ATF7IP2: variants seen among roughly 807,000 people sequenced by gnomAD.
The protein encoded by ATF7IP2 is activating transcription factor 7 interacting protein 2, also known as activating transcription factor 7-interacting protein 2.
In ATF7IP2, 42 loss-of-function variants were observed where a neutral mutation model predicts 64.2. The observed-to-expected ratio is 0.65, with a 90% CI of 0.51 to 0.85. The LOEUF is 0.85. Among genes scored for constraint, ATF7IP2 ranks in the 40% least tolerant of loss-of-function variants. The pLI is 0.00. For synonymous variants in ATF7IP2, 308 were observed against 272.8 expected (o/e 1.13, Z -1.27); for missense variants, 933 against 784.2 (o/e 1.19, Z -2.27).
chr16:10,466,719 T>C (rs2049587878), intron 9 of ATF7IP2, among the ~76,000 whole-genome samples: 1 of 152,192 alleles, frequency 6.6e-6, no homozygotes, highest in Non-Finnish European at 1.5e-5. Context: ...TAAATATCTT[T>C]CCTGACCCAA....
intron 9 of ATF7IP2, among the ~76,000 whole-genome samples, chr16:10,465,358 A>G (rs892786665): frequency 1.3e-5 from 2 of 152,172 alleles, no homozygotes; most frequent in Non-Finnish European, 2.9e-5. Flanking sequence ...ATGTTTCTCC[A>G]AGGTAAACTA....
chr16:10,388,987 G>A (rs1258598708), intron 1 of ATF7IP2, among the ~76,000 whole-genome samples: 1 of 151,904 alleles, frequency 6.6e-6, no homozygotes, highest in Admixed American at 6.6e-5. Context: ...ATTCCATCCT[G>A]GGCGACAGAG....
At chr16:10,393,956 C>G (rs552278750) in intron 1 of ATF7IP2, among the ~76,000 whole-genome samples, 2 of 152,270 alleles carry the variant, frequency 1.3e-5, no homozygotes, top group Admixed American at 1.3e-4. Context: ...GTGGGAAGAT[C>G]ACTTGAGCCC....
intron 1 of ATF7IP2, among the ~76,000 whole-genome samples, chr16:10,399,598 A>G (rs907854266): frequency 1.3e-5 from 2 of 152,210 alleles, no homozygotes; most frequent in African/African-American, 4.8e-5. Context: ...TTTGTGTTAT[A>G]ATATTGTTAG....
intron 1 of ATF7IP2, among the ~76,000 whole-genome samples, chr16:10,394,302 T>A (rs186157219): frequency 6.6e-6 from 1 of 152,308 alleles, no homozygotes; most frequent in Non-Finnish European, 1.5e-5. Flanking sequence ...ATAGGGACAT[T>A]CTATAATGAC....
At chr16:10,472,443 A>G (rs901400781) in intron 10 of ATF7IP2, among the ~76,000 whole-genome samples, 1 of 152,088 alleles carries the variant, frequency 6.6e-6, no homozygotes, top group African/African-American at 2.4e-5. Context: ...TATAACTTGT[A>G]AAAACTACTT....
At chr16:10,411,272 A>G (rs2047752687) in intron 1 of ATF7IP2, among the ~76,000 whole-genome samples, 1 of 151,300 alleles carries the variant, frequency 6.6e-6, no homozygotes, top group Admixed American at 6.6e-5. Context: ...CTTTTGGAAT[A>G]GAGTCAGGAT....
At position 10,451,925 on chromosome 16, in the gene ATF7IP2, C is replaced by T. The variant is rs1334812899; in HGVS notation, c.1195-5447C>T. ...AAAAGTAGCTGGGCGTGGTGGTGCA[C>T]GCCTGTAGTCCCAGCTACTCAGGAG... On this transcript the variant is annotated intron_variant, in intron 8 of 13. Coordinates refer to ENST00000562102, the MANE Select transcript of ATF7IP2 (RefSeq NM_001393719.1). Among the ~76,000 whole-genome samples, 23 of 152,058 alleles carry T rather than the reference C, an allele frequency of 1.5e-4. No homozygotes were observed. In the East Asian group the frequency reaches 2.7e-3, roughly 18 times the overall value.
chr16:10,427,991 A>G (rs1266227594), intron 3 of ATF7IP2, among the ~76,000 whole-genome samples: 1 of 152,228 alleles, frequency 6.6e-6, no homozygotes, highest in African/African-American at 2.4e-5. Context: ...AAGCACATGG[A>G]TGAATTTTGT....
In ATF7IP2 at chr16:10,472,118, A is replaced by G. The variant is rs571907452; in HGVS notation, c.1361A>G (p.Asp454Gly). ...TCTTTTTATCATTTTAGTAACAATGATGATGTTATGTTGATTTCTGTGGAA... is the reference window on the plus strand; with the variant it reads ...TCTTTTTATCATTTTAGTAACAATGGTGATGTTATGTTGATTTCTGTGGAA... Reference protein sequence around the residue: ...QNKSVSESNNDDVMLISVESP... With the variant: ...QNKSVSESNNGDVMLISVESP... The change falls in exon 10 of 14, where the codon GAT becomes GGT. Residue 454 changes from aspartate to glycine, a missense_variant. Coordinates refer to ENST00000562102, the MANE Select transcript of ATF7IP2 (RefSeq NM_001393719.1). The G allele has an allele frequency of 1.9e-6, 3 of 1,540,436 alleles. No individual in the cohort carries two copies. The highest frequency in any genetic ancestry group is 2.7e-6 in the Non-Finnish European group (3 of 1,129,228).
At chr16:10,447,034 A>G (rs1414273764) in intron 8 of ATF7IP2, 1 of 151,906 alleles carries the variant, frequency 6.6e-6, no homozygotes, top group Non-Finnish European at 1.5e-5. Flanking sequence ...CTTAACATTG[A>G]TGGATCAGTA....
intron 6 of ATF7IP2, among the ~76,000 whole-genome samples, chr16:10,434,569 G>A (rs1257457654): frequency 7.2e-5 from 11 of 152,152 alleles, no homozygotes; most frequent in Non-Finnish European, 1.6e-4. Context: ...CGCAGAACCA[G>A]CTTAAAGGGC....
intron 2 of ATF7IP2, among the ~76,000 whole-genome samples, chr16:10,415,843 T>C (rs2047863240): frequency 6.6e-6 from 1 of 152,208 alleles, no homozygotes; most frequent in Admixed American, 6.5e-5. Context: ...AAAACAGGCA[T>C]GTGAATAGCT....
At chr16:10,402,609 A>G (rs967537734) in intron 1 of ATF7IP2, among the ~76,000 whole-genome samples, 22 of 152,082 alleles carry the variant, frequency 1.4e-4, no homozygotes, top group African/African-American at 5.3e-4. Context: ...GACTACAAGC[A>G]TGTGCCACCA....
chr16:10,428,343 G>A (rs1033244647), intron 3 of ATF7IP2, among the ~76,000 whole-genome samples: 18 of 152,212 alleles, frequency 1.2e-4, no homozygotes, highest in African/African-American at 2.9e-4. Context: ...ATTTCAGCAC[G>A]TTTTACTAAT....
chr16:10,478,954 C>G (rs1280652497), intron 12 of ATF7IP2, among the ~76,000 whole-genome samples: 229 of 152,016 alleles, frequency 1.5e-3, no homozygotes, highest in African/African-American at 5.4e-3. Context: ...CAATGAGATA[C>G]CATCTCACAC....
intron 9 of ATF7IP2, among the ~76,000 whole-genome samples, chr16:10,458,872 C>T (rs2049272018): frequency 6.6e-6 from 1 of 152,164 alleles, no homozygotes; most frequent in Admixed American, 6.5e-5. Flanking sequence ...ACTCAGGGAA[C>T]CTTCGTTTAA....
chr16:10,476,871 T>C (rs1299997770), intron 12 of ATF7IP2, among the ~76,000 whole-genome samples: 1 of 152,234 alleles, frequency 6.6e-6, no homozygotes, highest in Non-Finnish European at 1.5e-5. Flanking sequence ...ATTCCATGTG[T>C]ATATGTACCA....
intron 8 of ATF7IP2, chr16:10,446,456 A>G (rs2048808065): frequency 6.6e-6 from 1 of 152,150 alleles, no homozygotes; most frequent in Non-Finnish European, 1.5e-5. Flanking sequence ...TGTTCCCTCC[A>G]GTCTTTAGGG....
Sources: gnomAD v4.1 joint callset for allele counts (sites outside exome capture counted in the v4.1 genomes callset) on GRCh38, gnomAD v4.1.1 for gene constraint, MANE v1.5 for transcripts, NCBI Gene and HGNC (gene_info 2026-07-23, HGNC 2026-07-21) for gene names.